CNOT8: variants seen among roughly 807,000 people sequenced by gnomAD.
The protein encoded by CNOT8 is CCR4-NOT transcription complex subunit 8.
A neutral mutation model predicts 34.6 loss-of-function variants in CNOT8; 18 were observed. That is an observed-to-expected ratio of 0.52 (90% confidence interval 0.36 to 0.77). CNOT8 has a LOEUF of 0.77. CNOT8 is among the 30% of genes least tolerant of loss of function. CNOT8 has a pLI of 0.00. For synonymous variants in CNOT8, 101 were observed against 118.8 expected (o/e 0.85, Z 0.98); for missense variants, 189 against 347.9 (o/e 0.54, Z 3.63).
At chr5:154,868,665 C>T (rs1762161898) in intron 3 of CNOT8, among the ~76,000 whole-genome samples, 1 of 152,172 alleles carries the variant, frequency 6.6e-6, no homozygotes, top group Non-Finnish European at 1.5e-5. Context: ...CTTCTTTCTC[C>T]CACTCCTTTC....
intron 3 of CNOT8, 89 bp downstream of exon 3, chr5:154,865,474 C>A: frequency 1.2e-6 from 1 of 807,480 alleles, no homozygotes; most frequent in Non-Finnish European, 1.8e-6. Flanking sequence ...AAGCAGAGGA[C>A]GGAACAGGGA....
In CNOT8 at chr5:154,875,540, C is replaced by T; in HGVS notation, c.*101C>T. On this transcript the variant is annotated 3_prime_UTR_variant, in exon 7 of 7. Transcript: ENST00000285896. ...AGAGAAAATGCTTCTTTTGAGCACA[C>T]TGTACCTACCATCTGCATTGAGCAG... The T allele has an allele frequency of 7.9e-7, 1 of 1,263,552 alleles. No individual in the cohort carries two copies. The highest frequency in any genetic ancestry group is 1.1e-6 in the Non-Finnish European group (1 of 921,450). The allele number at this position is 1,263,552 out of a possible 1,614,324, so 78.3% of individuals were successfully genotyped here.
intron 3 of CNOT8, among the ~76,000 whole-genome samples, chr5:154,868,322 G>A (rs1762125424): frequency 7.1e-6 from 1 of 141,008 alleles, no homozygotes; most frequent in Non-Finnish European, 1.5e-5. Flanking sequence ...AGGCAGGAGT[G>A]CAGTGGTGCA....
chr5:154,868,127 CGG>C (rs1428790381), intron 3 of CNOT8, among the ~76,000 whole-genome samples: 3 of 151,768 alleles, frequency 2.0e-5, no homozygotes, highest in African/African-American at 7.3e-5. Context: ...CTAGTAGAGA[CGG>C]GGTTTCACCA....
chr5:154,863,138 A>ATGTCTTTGTTGTGTTGACATCT (rs1761514820), intron 1 of CNOT8, 69 bp from the exon 2 acceptor site: 1 of 651,404 alleles, frequency 1.5e-6, no homozygotes, highest in Non-Finnish European at 2.8e-6. Flanking sequence ...TATTATTTTG[A>ATGTCTTTGTTGTGTTGACATCT]TGTCTTTGTT....
Position 154,863,334 on chromosome 5 carries a change from A to G in CNOT8, c.56A>G (p.Asn19Ser). Residue 19 changes from asparagine (N) to serine (S), a missense_variant, in exon 2 of 7, where the codon AAT becomes AGT. By Grantham distance (46) the Asn-to-Ser change is conservative (BLOSUM62 1). Coordinates refer to ENST00000285896, the MANE Select transcript of CNOT8 (RefSeq NM_001301073.2). ...SQVICEVWAS[N>S]LEEEMRKIRE... is the part of the protein sequence containing the mutation. Reference sequence around the variant, plus strand: ...GTTATCTGTGAAGTGTGGGCCAGTAATCTAGAAGAAGAGATGAGGAAGATC... The same window carrying G: ...GTTATCTGTGAAGTGTGGGCCAGTAGTCTAGAAGAAGAGATGAGGAAGATC... The G allele has an allele frequency of 6.2e-7, 1 of 1,614,168 alleles. No individual in the cohort carries two copies. The highest frequency in any genetic ancestry group is 8.5e-7 in the Non-Finnish European group (1 of 1,180,016).
chr5:154,871,728 A>G lies in CNOT8; in HGVS notation c.474-2A>G, dbSNP rs1762499754. 1 of 1,613,730 alleles carries G rather than the reference A, an allele frequency of 6.2e-7. No individual in the cohort carries two copies. The highest frequency in any genetic ancestry group is 1.1e-5 in the South Asian group (1 of 91,070). Reference sequence around the variant, plus strand: ...TAACCTCTGTGGTTTATTCTCTTGTAGTGGCTATGATTTTGGCTATATGGT... The same window carrying G: ...TAACCTCTGTGGTTTATTCTCTTGTGGTGGCTATGATTTTGGCTATATGGT... On this transcript the variant is annotated splice_acceptor_variant, in intron 4 of 6. Transcript: ENST00000285896. LOFTEE classifies it high-confidence loss of function.
At chr5:154,860,316 T>G (rs1443861942) in intron 1 of CNOT8, among the ~76,000 whole-genome samples, 1 of 151,022 alleles carries the variant, frequency 6.6e-6, no homozygotes, top group Non-Finnish European at 1.5e-5. Context: ...GATGATGATT[T>G]TTTTGAGACG....
At chr5:154,860,406 A>C (rs528044657) in intron 1 of CNOT8, among the ~76,000 whole-genome samples, 25 of 152,254 alleles carry the variant, frequency 1.6e-4, no homozygotes, top group Admixed American at 1.1e-3. Context: ...CCTGGGGCTC[A>C]AGTGATCCTC....
chr5:154,870,538 C>A, intron 3 of CNOT8, 123 bp from the exon 4 acceptor site: 1 of 667,362 alleles, frequency 1.5e-6, no homozygotes, highest in Non-Finnish European at 2.5e-6. Flanking sequence ...GTGAATTGAT[C>A]TATTAAGTTA....
chr5:154,875,760 G>T lies in CNOT8; in HGVS notation c.*321G>T. On this transcript the variant is annotated 3_prime_UTR_variant, in exon 7 of 7. Transcript: ENST00000285896. ...ATCAGGACAAGTCTGAAACAAAGTA[G>T]TAAAATGTATATAACTCTTACCTGT... 1 of 224,404 alleles carries T rather than the reference G, an allele frequency of 4.5e-6. No homozygotes were observed. The highest frequency in any genetic ancestry group is 1.1e-4 in the East Asian group (1 of 9,018). 13.9% of individuals were successfully genotyped at this position (224,404 alleles called of 1,614,324 possible).
chr5:154,870,933 A>G (rs747201629), intron 4 of CNOT8, 111 bp downstream of exon 4: 6 of 913,368 alleles, frequency 6.6e-6, no homozygotes, highest in Non-Finnish European at 9.9e-6. Context: ...CAGCAGCAGC[A>G]GCCAGAAGTT....
In CNOT8 at chr5:154,876,551, A is replaced by G; in HGVS notation, c.*1112A>G. 1 of 152,532 alleles carries G rather than the reference A, an allele frequency of 6.6e-6. No individual in the cohort carries two copies. Among genetic ancestry groups the G allele is most frequent in the East Asian group, 1.9e-4 (1 of 5,200 alleles). 9.4% of individuals were successfully genotyped at this position (152,532 alleles called of 1,614,324 possible). A position where few individuals can be genotyped will look rare whatever the true frequency, so the allele number is the denominator to read the frequency against. On this transcript the variant is annotated 3_prime_UTR_variant, in exon 7 of 7. Coordinates refer to ENST00000285896, the MANE Select transcript of CNOT8 (RefSeq NM_001301073.2). Reference sequence around the variant, plus strand: ...GCTAGTCATTTCAAAAGCATATTGTATTTTTTTGAATGACTACAGTATGGA... The same window carrying G: ...GCTAGTCATTTCAAAAGCATATTGTGTTTTTTTGAATGACTACAGTATGGA...
chr5:154,871,696 G>T, intron 4 of CNOT8, 34 bp from the exon 5 acceptor site: 1 of 1,605,304 alleles, frequency 6.2e-7, no homozygotes, highest in Non-Finnish European at 8.5e-7. Flanking sequence ...GATAACCACT[G>T]CTTTTTTAAC....
At position 154,872,603 on chromosome 5, in the gene CNOT8, A is replaced by G. The variant is rs1762583428; in HGVS notation, c.681A>G (p.Ala227=). 1.9e-6 allele frequency: 3 copies of G among 1,613,742 alleles called. No individual in the cohort carries two copies. Among genetic ancestry groups the G allele is most frequent in the East Asian group, 2.2e-5 (1 of 44,878 alleles). ...AGAGGATTGGAAGGCAGCACCAGGCAGGCTCAGACTCACTGCTGACAGGAA... is the reference window on the plus strand; with the variant it reads ...AGAGGATTGGAAGGCAGCACCAGGCGGGCTCAGACTCACTGCTGACAGGAA... ...DLQRIGRQHQ[A]GSDSLLTGMA... Residue 227 remains alanine (A), a synonymous_variant, in exon 6 of 7, where the codon GCA becomes GCG. Transcript: ENST00000285896.
chr5:154,870,679 G>A lies in CNOT8; in HGVS notation c.330G>A (p.Gln110=), dbSNP rs1202617288. 6.2e-6 allele frequency: 10 copies of A among 1,613,544 alleles called. No individual in the cohort carries two copies. The highest frequency in any genetic ancestry group is 6.8e-6 in the Non-Finnish European group (8 of 1,179,770). ...TTTTTAGAGAGGACATGTACTCCCA[G>A]GATTCCATAGATCTCCTTGCTAACT... The part of the protein sequence containing the change: ...KFNLTEDMYS[Q]DSIDLLANSG... The change falls in exon 4 of 7, where the codon CAG becomes CAA. Residue 110 remains glutamine, a synonymous_variant. Transcript: ENST00000285896.
At position 154,863,323 on chromosome 5, in the gene CNOT8, G is replaced by A; in HGVS notation, c.45G>A (p.Val15=). 1 of 1,614,180 alleles carries A rather than the reference G, an allele frequency of 6.2e-7. No individual in the cohort carries two copies. Among genetic ancestry groups the A allele is most frequent in the South Asian group, 1.1e-5 (1 of 91,084 alleles). The part of the protein sequence containing the change: ...LVENSQVICE[V]WASNLEEEMR... ...AGAATAGCCAGGTTATCTGTGAAGT[G>A]TGGGCCAGTAATCTAGAAGAAGAGA... The change falls in exon 2 of 7, where the codon GTG becomes GTA. Residue 15 remains valine, a synonymous_variant. Coordinates refer to ENST00000285896, the MANE Select transcript of CNOT8 (RefSeq NM_001301073.2).
intron 3 of CNOT8, among the ~76,000 whole-genome samples, chr5:154,868,845 G>A (rs1049860697): frequency 6.6e-6 from 1 of 152,162 alleles, no homozygotes; most frequent in Admixed American, 6.6e-5. Context: ...GGCTTCCTTG[G>A]CCTGGACCAC....
At position 154,871,788 on chromosome 5, in the gene CNOT8, G is replaced by A; in HGVS notation, c.532G>A (p.Glu178Lys). The change falls in exon 5 of 7, where the codon GAA becomes AAA. Residue 178 changes from glutamate (E) to lysine (K), a missense_variant. Physicochemically the swap from Glu to Lys is moderately conservative, Grantham distance 56 (BLOSUM62 1). Transcript: ENST00000285896. Reference protein sequence around the residue: ...LLTDSRLPEEEHEFFHILNLF... With the variant: ...LLTDSRLPEEKHEFFHILNLF... ...TACAGATTCTCGTTTGCCAGAAGAG[G>A]AACATGAATTCTTTCATATTCTGAA... The A allele has an allele frequency of 1.2e-6, 2 of 1,613,826 alleles. No homozygotes were observed. Among genetic ancestry groups the A allele is most frequent in the Non-Finnish European group, 1.7e-6 (2 of 1,179,826 alleles).
Sources: gnomAD v4.1 joint callset for allele counts (sites outside exome capture counted in the v4.1 genomes callset) on GRCh38, gnomAD v4.1.1 for gene constraint, MANE v1.5 for transcripts, NCBI Gene and HGNC (gene_info 2026-07-23, HGNC 2026-07-21) for gene names.